Variants in ICE2 observed in about 807,000 individuals in gnomAD.
ICE2 encodes the protein little elongation complex subunit 2.
In ICE2, 87 loss-of-function variants were observed where a neutral mutation model predicts 105.4. The observed-to-expected ratio is 0.83, with a 90% CI of 0.69 to 0.99. The LOEUF is 0.99. Ranked by LOEUF, ICE2 falls within the 50% of genes least tolerant of loss-of-function variation. The pLI, the probability that ICE2 is intolerant of heterozygous loss-of-function variation, is 0.00. For synonymous variants in ICE2, 399 were observed against 392.0 expected (o/e 1.02, Z -0.21); for missense variants, 1,323 against 1,146.7 (o/e 1.15, Z -2.22).
chr15:60,474,262 A>C (rs1011027182), intron 3 of ICE2, among the ~76,000 whole-genome samples: 2 of 152,060 alleles, frequency 1.3e-5, no homozygotes, highest in African/African-American at 4.8e-5. Context: ...CATTTGATGG[A>C]ATCAAAAAAG....
chr15:60,476,588 T>G (rs1005193033), intron 2 of ICE2, among the ~76,000 whole-genome samples: 2 of 152,254 alleles, frequency 1.3e-5, no homozygotes, highest in African/African-American at 4.8e-5. Flanking sequence ...TGCACTACTG[T>G]GCTGAGCCAA....
intron 14 of ICE2, among the ~76,000 whole-genome samples, chr15:60,429,037 T>G (rs1472940765): frequency 6.6e-6 from 1 of 152,202 alleles, no homozygotes; most frequent in Non-Finnish European, 1.5e-5. Flanking sequence ...CCTACAGCAT[T>G]TTCATTCATT....
chr15:60,464,092 A>G (rs946120669), intron 5 of ICE2, among the ~76,000 whole-genome samples: 2 of 152,206 alleles, frequency 1.3e-5, no homozygotes, highest in African/African-American at 4.8e-5. Context: ...TAAAATTTTA[A>G]AACTAAAAGA....
intron 3 of ICE2, among the ~76,000 whole-genome samples, chr15:60,474,252 C>T (rs149287083): frequency 7.2e-4 from 109 of 152,092 alleles, no homozygotes; most frequent in African/African-American, 2.4e-3. Context: ...CTTACACATT[C>T]ATTTGATGGA....
chr15:60,453,573 C>T (rs764803581), intron 9 of ICE2, 30 bp downstream of exon 9: 15 of 1,606,046 alleles, frequency 9.3e-6, no homozygotes, highest in East Asian at 2.2e-5. Flanking sequence ...AAGTACATTC[C>T]CCTTAGGGGA....
chr15:60,429,758 C>T (rs1048214426), intron 14 of ICE2, among the ~76,000 whole-genome samples: 1 of 151,748 alleles, frequency 6.6e-6, no homozygotes, highest in African/African-American at 2.4e-5. Flanking sequence ...AATTTTTTTT[C>T]CCAATCATTT....
chr15:60,450,898 A>C (rs1322015767), intron 9 of ICE2, among the ~76,000 whole-genome samples: 3 of 152,236 alleles, frequency 2.0e-5, no homozygotes, highest in African/African-American at 7.2e-5. Flanking sequence ...AAAAAAGTAT[A>C]ATTAAACTAT....
chr15:60,434,795 A>G (rs2063546059), intron 13 of ICE2, among the ~76,000 whole-genome samples: 1 of 152,148 alleles, frequency 6.6e-6, no homozygotes, highest in Non-Finnish European at 1.5e-5. Context: ...TGGTTAAGGG[A>G]TTAGACAGGA....
Position 60,428,411 on chromosome 15 carries a change from T to C in ICE2, c.2820+18A>G. 6.2e-7 allele frequency: 1 copy of C among 1,605,724 alleles called. No homozygotes were observed. ...AATAAACAACCTAATGAACCTTTAA[T>C]TTCAAAAAAGATCTTACCTTTTGTT... On this transcript the variant is annotated intron_variant, in intron 15 of 15. Transcript: ENST00000261520.
intron 14 of ICE2, among the ~76,000 whole-genome samples, chr15:60,429,310 T>C (rs2140994195): frequency 6.6e-6 from 1 of 152,352 alleles, no homozygotes; most frequent in East Asian, 1.9e-4. Flanking sequence ...TCAAGGCATA[T>C]TAATTTAGGG....
At chr15:60,460,350 T>A (rs953275433) in intron 5 of ICE2, among the ~76,000 whole-genome samples, 3 of 152,008 alleles carry the variant, frequency 2.0e-5, no homozygotes, top group Non-Finnish European at 4.4e-5. Flanking sequence ...ACAAAAAAAT[T>A]AGCTGGGTGT....
chr15:60,478,760 G>T (rs902257245), intron 1 of ICE2: 1 of 351,420 alleles, frequency 2.8e-6, no homozygotes, highest in Non-Finnish European at 5.7e-6. Context: ...AGCTGGGGGG[G>T]AATAGTCGAG....
At chr15:60,448,221 T>A in intron 10 of ICE2, 76 bp from the exon 11 acceptor site, 1 of 911,146 alleles carries the variant, frequency 1.1e-6, no homozygotes, top group Non-Finnish European at 1.6e-6. Context: ...ACAATTCAAT[T>A]AACTATTTTA....
At chr15:60,443,938 T>TA (rs75673996) in intron 11 of ICE2, among the ~76,000 whole-genome samples, 309 of 141,596 alleles carry the variant, frequency 2.2e-3, no homozygotes, top group South Asian at 4.9e-3. Flanking sequence ...TACAAAAAAT[T>TA]AAAAAAAAAA....
At chr15:60,439,230 G>A (rs1179909251) in intron 12 of ICE2, 2 of 151,920 alleles carry the variant, frequency 1.3e-5, no homozygotes, top group Non-Finnish European at 2.9e-5. Flanking sequence ...TAAATGTATA[G>A]GAAAACGAAA....
intron 14 of ICE2, among the ~76,000 whole-genome samples, chr15:60,431,164 G>A (rs970640438): frequency 2.0e-5 from 3 of 151,428 alleles, no homozygotes; most frequent in Non-Finnish European, 2.9e-5. Flanking sequence ...GAGCCACTGC[G>A]CCCGGCCTCT....
At position 60,476,118 on chromosome 15, in the gene ICE2, A is replaced by C; in HGVS notation, c.91T>G (p.Tyr31Asp). Residue 31 changes from tyrosine (Y) to aspartate (D), a missense_variant, in exon 3 of 16, where the codon TAT becomes GAT. Tyr to Asp is a radical substitution (Grantham distance 160). Transcript: ENST00000261520. ...CTTGGAGCCATGGAATGATCTTTAT[A>C]ATTTTCTCGAGAGAAAAATGTCTTA... ...GLKTFFSREN[Y>D]KDHSMAPSLK... 2 of 1,609,026 alleles carry C rather than the reference A, an allele frequency of 1.2e-6. No homozygotes were observed. The highest frequency in any genetic ancestry group is 1.7e-6 in the Non-Finnish European group (2 of 1,178,246).
At chr15:60,436,804 CATA>C (rs111307066) in intron 12 of ICE2, among the ~76,000 whole-genome samples, 10 of 150,134 alleles carry the variant, frequency 6.7e-5, no homozygotes, top group Middle Eastern at 3.6e-3. Context: ...TATGTATTAT[CATA>C]ATATGTATTT....
At chr15:60,466,177 A>C (rs1324962761) in intron 5 of ICE2, among the ~76,000 whole-genome samples, 1 of 152,230 alleles carries the variant, frequency 6.6e-6, no homozygotes, top group African/African-American at 2.4e-5. Flanking sequence ...AAATGAACTC[A>C]GAGTTGAAAT....
Sources: allele counts gnomAD v4.1 joint callset (sites outside exome capture counted in the v4.1 genomes callset), GRCh38; gene constraint gnomAD v4.1.1; transcripts MANE v1.5; gene names NCBI Gene and HGNC (gene_info 2026-07-23, HGNC 2026-07-21).